FAT3: variants seen among roughly 807,000 people sequenced by gnomAD.
The protein encoded by FAT3 is protocadherin Fat 3.
In FAT3, 95 loss-of-function variants were observed where a neutral mutation model predicts 310.2. The observed-to-expected ratio is 0.31, with a 90% CI of 0.26 to 0.36. The LOEUF (loss-of-function observed/expected upper bound fraction) is 0.36, where lower values mean the gene tolerates loss of function less well. FAT3 is among the 10% of genes least tolerant of loss of function. The pLI, the probability that FAT3 is intolerant of heterozygous loss-of-function variation, is 1.00. For missense variants in FAT3, 5,408 were observed against 5,715.6 expected (o/e 0.95, Z 1.74); for synonymous variants, 2,314 against 2,192.9 (o/e 1.06, Z -1.54).
At chr11:92,729,509 C>T (rs1162736396) in intron 4 of FAT3, among the ~76,000 whole-genome samples, 4 of 151,496 alleles carry the variant, frequency 2.6e-5, no homozygotes, top group Non-Finnish European at 5.9e-5. Context: ...TCACTGCACC[C>T]TCTGCCTCCC....
At position 92,883,799 on chromosome 11, in the gene FAT3, A is replaced by G. The variant is rs1241074938; in HGVS notation, c.12937+406A>G. 6.6e-6 allele frequency among the ~76,000 whole-genome samples: 1 copy of G among 152,208 alleles called. No individual in the cohort carries two copies. Among genetic ancestry groups the G allele is most frequent in the Non-Finnish European group, 1.5e-5 (1 of 68,042 alleles). On this transcript the variant is annotated intron_variant, in intron 24 of 27. Coordinates refer to ENST00000525166, the MANE Select transcript of FAT3 (RefSeq NM_001367949.2). This position sits in a 1 kb window ranked among gnomAD's most constrained non-coding sequence, Gnocchi z 4.2. Reference sequence around the variant, plus strand: ...GTGTCTGGGCCTATGTACAAAGTGCAAAAAGCCACTTGAGTGATGTCCAGA... The same window carrying G: ...GTGTCTGGGCCTATGTACAAAGTGCGAAAAGCCACTTGAGTGATGTCCAGA...
intron 21 of FAT3, among the ~76,000 whole-genome samples, chr11:92,865,083 T>C (rs910461100): frequency 1.3e-5 from 2 of 152,184 alleles, no homozygotes; most frequent in Non-Finnish European, 2.9e-5. Flanking sequence ...AAGCCTGAAT[T>C]TGATTCAGCA....
At chr11:92,381,899 G>T (rs1029607790) in intron 2 of FAT3, among the ~76,000 whole-genome samples, 3 of 152,130 alleles carry the variant, frequency 2.0e-5, no homozygotes, top group African/African-American at 7.2e-5. Flanking sequence ...GGAAATATGA[G>T]ATGTCTTTTT....
At position 92,657,130 on chromosome 11, in the gene FAT3, A is replaced by G. The variant is rs146390367; in HGVS notation, c.3608-40254A>G. Among the ~76,000 whole-genome samples, 723 of 152,246 alleles carry G rather than the reference A, an allele frequency of 4.7e-3. 6 individuals are homozygous for G. Among genetic ancestry groups the G allele is most frequent in the African/African-American group, 0.017 (701 of 41,550 alleles). ...AAAGTCACATTGGTAAGCATTTTTCAGATCTCTTTGTATAAAGCATGCCCG... is the reference window on the plus strand; with the variant it reads ...AAAGTCACATTGGTAAGCATTTTTCGGATCTCTTTGTATAAAGCATGCCCG... On this transcript the variant is annotated intron_variant, in intron 3 of 27. Transcript: ENST00000525166.
chr11:92,571,432 A>C (rs537730722), intron 3 of FAT3, among the ~76,000 whole-genome samples: 3 of 152,338 alleles, frequency 2.0e-5, no homozygotes, highest in African/African-American at 7.2e-5. Context: ...CACACCCAAC[A>C]GTCATCAGGA....
chr11:92,288,704 T>C (rs1946618193), intron 1 of FAT3, among the ~76,000 whole-genome samples: 1 of 152,102 alleles, frequency 6.6e-6, no homozygotes, highest in Admixed American at 6.6e-5. Context: ...TACTCCTAAA[T>C]TTAGAGTTGT....
At chr11:92,562,791 T>C (rs1565414072) in intron 3 of FAT3, among the ~76,000 whole-genome samples, 1 of 152,042 alleles carries the variant, frequency 6.6e-6, no homozygotes, top group African/African-American at 2.4e-5. Context: ...TTAAAGAAAA[T>C]AGAGTGAGAG....
intron 2 of FAT3, among the ~76,000 whole-genome samples, chr11:92,518,214 C>T (rs558565557): frequency 5.3e-4 from 80 of 152,234 alleles, no homozygotes; most frequent in African/African-American, 1.5e-3. Context: ...CTCATGCACA[C>T]GTATGTTTAC....
intron 2 of FAT3, among the ~76,000 whole-genome samples, chr11:92,382,867 T>A (rs1211552725): frequency 6.6e-6 from 1 of 152,210 alleles, no homozygotes; most frequent in Non-Finnish European, 1.5e-5. Context: ...GGTACATGTG[T>A]GGGATGTGCA....
chr11:92,826,967 T>C (rs186209084), intron 13 of FAT3, among the ~76,000 whole-genome samples: 95 of 152,324 alleles, frequency 6.2e-4, no homozygotes, highest in African/African-American at 2.0e-3. Context: ...AAATACTTTT[T>C]AAAGACCAGA....
intron 10 of FAT3, among the ~76,000 whole-genome samples, chr11:92,802,723 T>G (rs1182682520): frequency 6.6e-6 from 1 of 152,122 alleles, no homozygotes; most frequent in Non-Finnish European, 1.5e-5. Flanking sequence ...AGGCAGAACA[T>G]AAACAAAGTG....
Position 92,805,310 on chromosome 11 carries a change from C to T in FAT3, c.9054C>T (p.Ser3018=), listed in dbSNP as rs764868689. 8.7e-6 allele frequency: 14 copies of T among 1,613,484 alleles called. No homozygotes were observed. Among genetic ancestry groups the T allele is most frequent in the Middle Eastern group, 1.6e-4 (1 of 6,082 alleles). The change falls in exon 11 of 28, where the codon AGC becomes AGT. Residue 3018 remains serine (S), a synonymous_variant. Transcript: ENST00000525166. The stretch of plus-strand genomic sequence containing the variant: ...TCACACAGGCCATGGTGGAAGTGAG[C>T]GTCAGTGATGTGAATGACAATAGCC... The part of the protein sequence containing the change: ...LFVTQAMVEV[S]VSDVNDNSPV...
At chr11:92,365,253 G>A (rs1406487166) in intron 2 of FAT3, among the ~76,000 whole-genome samples, 1 of 152,160 alleles carries the variant, frequency 6.6e-6, no homozygotes, top group African/African-American at 2.4e-5. Context: ...TTGGGTGACA[G>A]AGTGAGACCC....
At chr11:92,340,455 A>G (rs1168341041) in intron 1 of FAT3, among the ~76,000 whole-genome samples, 1 of 152,136 alleles carries the variant, frequency 6.6e-6, no homozygotes, top group African/African-American at 2.4e-5. Context: ...CCTTAACTGT[A>G]TTTGAGCTCA....
intron 1 of FAT3, among the ~76,000 whole-genome samples, chr11:92,282,563 G>T (rs906669446): frequency 5.3e-5 from 8 of 151,880 alleles, no homozygotes; most frequent in Non-Finnish European, 8.8e-5. Flanking sequence ...TACTCGGGAG[G>T]CTGAGGCAGG....
chr11:92,689,893 T>C (rs1247778126), intron 3 of FAT3, among the ~76,000 whole-genome samples: 1 of 152,200 alleles, frequency 6.6e-6, no homozygotes, highest in African/African-American at 2.4e-5. Context: ...CCCTTCACTC[T>C]GATGACAAGT....
intron 6 of FAT3, chr11:92,766,514 C>T (rs1002582703): frequency 2.0e-5 from 3 of 152,202 alleles, no homozygotes; most frequent in Non-Finnish European, 2.9e-5. Flanking sequence ...CCCCATGGCC[C>T]GCAGTCAAAC....
intron 4 of FAT3, among the ~76,000 whole-genome samples, chr11:92,709,424 T>C (rs1944455351): frequency 6.6e-6 from 1 of 152,142 alleles, no homozygotes; most frequent in Admixed American, 6.5e-5. Context: ...AAACTCCGCC[T>C]CTCCTTTAGG....
chr11:92,885,844 G>C (rs1303334831), intron 24 of FAT3, among the ~76,000 whole-genome samples: 1 of 152,148 alleles, frequency 6.6e-6, no homozygotes, highest in Non-Finnish European at 1.5e-5. Context: ...TCTGCAACAT[G>C]GCTGTTAGGA....
Sources: allele counts gnomAD v4.1 joint callset (sites outside exome capture counted in the v4.1 genomes callset), GRCh38; gene constraint gnomAD v4.1.1; non-coding constraint Gnocchi (gnomAD v3.1); transcripts MANE v1.5; gene names NCBI Gene and HGNC (gene_info 2026-07-23, HGNC 2026-07-21).